Variants in GHR observed in about 807,000 individuals in gnomAD.
The protein encoded by GHR is growth hormone receptor.
Under a neutral mutation model 67.1 loss-of-function variants are expected in GHR, and 35 were observed. That is an observed-to-expected ratio of 0.52 (90% CI 0.40 to 0.69). The LOEUF (loss-of-function observed/expected upper bound fraction) is 0.69, where lower values mean the gene tolerates loss of function less well. GHR is among the 30% of genes least tolerant of loss of function. The pLI is 0.00. For missense variants in GHR, 792 were observed against 764.6 expected (o/e 1.04, Z -0.42); for synonymous variants, 272 against 269.1 (o/e 1.01, Z -0.10).
At chr5:42,679,594 C>T (rs1196351719) in intron 3 of GHR, among the ~76,000 whole-genome samples, 1 of 151,576 alleles carries the variant, frequency 6.6e-6, no homozygotes, top group African/African-American at 2.4e-5. Context: ...CACTGCATTC[C>T]AGCCTGGCGA....
intron 3 of GHR, among the ~76,000 whole-genome samples, chr5:42,653,138 T>A (rs1755090209): frequency 6.6e-6 from 1 of 152,150 alleles, no homozygotes; most frequent in African/African-American, 2.4e-5. Context: ...TGGCTCTTGT[T>A]ATCATCATAA....
At chr5:42,432,478 G>A (rs765832512) in intron 1 of GHR, among the ~76,000 whole-genome samples, 22 of 152,114 alleles carry the variant, frequency 1.4e-4, no homozygotes, top group African/African-American at 4.3e-4. Flanking sequence ...TTTGTTCTTC[G>A]TCACTATGTG....
At chr5:42,669,758 A>G (rs933834492) in intron 3 of GHR, among the ~76,000 whole-genome samples, 1 of 152,236 alleles carries the variant, frequency 6.6e-6, no homozygotes, top group African/African-American at 2.4e-5. Context: ...AAAGAAATTT[A>G]GAAAACAATC....
intron 2 of GHR, among the ~76,000 whole-genome samples, chr5:42,571,167 C>T (rs1750286513): frequency 6.6e-6 from 1 of 152,182 alleles, no homozygotes; most frequent in African/African-American, 2.4e-5. Flanking sequence ...ACTAAAGTGG[C>T]ACTTGCACAG....
chr5:42,434,531 C>T (rs1413784514), intron 1 of GHR, among the ~76,000 whole-genome samples: 4 of 152,154 alleles, frequency 2.6e-5, no homozygotes, highest in African/African-American at 7.2e-5. Context: ...AGTGACAAAA[C>T]TTTCTTCTAG....
At chr5:42,608,906 T>C (rs1752756351) in intron 2 of GHR, among the ~76,000 whole-genome samples, 1 of 152,176 alleles carries the variant, frequency 6.6e-6, no homozygotes, top group Non-Finnish European at 1.5e-5. Flanking sequence ...CATTGTACTC[T>C]ATTTTTTCTG....
intron 1 of GHR, among the ~76,000 whole-genome samples, chr5:42,521,513 A>G (rs1747473372): frequency 6.6e-6 from 1 of 152,166 alleles, no homozygotes; most frequent in South Asian, 2.1e-4. Context: ...TTAGTTTCGG[A>G]TTTGTAAAGC....
intron 1 of GHR, among the ~76,000 whole-genome samples, chr5:42,436,554 G>A (rs1374160192): frequency 6.6e-6 from 1 of 152,068 alleles, no homozygotes; most frequent in Non-Finnish European, 1.5e-5. Flanking sequence ...ATGCTCTTCA[G>A]AAAGTCCCAT....
chr5:42,599,286 AT>A (rs1475604302), intron 2 of GHR, among the ~76,000 whole-genome samples: 1 of 151,890 alleles, frequency 6.6e-6, no homozygotes, highest in African/African-American at 2.4e-5. Flanking sequence ...GAGAGATCTT[AT>A]CACAGAAGTC....
intron 1 of GHR, among the ~76,000 whole-genome samples, chr5:42,563,843 G>A (rs1014624930): frequency 6.6e-6 from 1 of 152,018 alleles, no homozygotes; most frequent in South Asian, 2.1e-4. Flanking sequence ...TAAATATTTA[G>A]TTACCAACAG....
At chr5:42,599,646 T>C (rs1177953407) in intron 2 of GHR, among the ~76,000 whole-genome samples, 1 of 152,118 alleles carries the variant, frequency 6.6e-6, no homozygotes, top group East Asian at 1.9e-4. Context: ...ATTACAGGCG[T>C]GAGCCACCAC....
At chr5:42,486,266 T>C (rs970328819) in intron 1 of GHR, among the ~76,000 whole-genome samples, 2 of 152,230 alleles carry the variant, frequency 1.3e-5, no homozygotes. Context: ...ATTCTCAGGC[T>C]GAACCCTCTC....
intron 1 of GHR, among the ~76,000 whole-genome samples, chr5:42,539,808 A>G (rs1312721781): frequency 6.6e-6 from 1 of 152,214 alleles, no homozygotes; most frequent in Non-Finnish European, 1.5e-5. Flanking sequence ...CTCTCCCAAC[A>G]AGATAAAATA....
chr5:42,672,209 C>T (rs1271094232), intron 3 of GHR, among the ~76,000 whole-genome samples: 1 of 152,104 alleles, frequency 6.6e-6, no homozygotes, highest in Non-Finnish European at 1.5e-5. Context: ...AACTACCTCT[C>T]TTTACTGACT....
intron 1 of GHR, chr5:42,548,401 C>T (rs2112404911): frequency 1.0e-6 from 1 of 985,078 alleles, no homozygotes; most frequent in African/African-American, 1.7e-5. Context: ...TTAACCAAAT[C>T]AGTGTGATGT....
rs377241525 is a variant in GHR at position 42,707,798 on chromosome 5, C to T, written c.619-3409C>T. 2.5e-4 allele frequency among the ~76,000 whole-genome samples: 38 copies of T among 152,122 alleles called. No homozygotes were observed. The East Asian group carries it at 6.4e-3, about 26-fold the overall frequency. On this transcript the variant is annotated intron_variant, in intron 6 of 9. Coordinates refer to ENST00000230882, the MANE Select transcript of GHR (RefSeq NM_000163.5). ...TTTTACTCCACATACTCCACACACA[C>T]ACACGTTTTAAATTTTCGATGTCAC...
At chr5:42,694,565 C>A (rs1382271856) in intron 4 of GHR, among the ~76,000 whole-genome samples, 1 of 152,150 alleles carries the variant, frequency 6.6e-6, no homozygotes, top group Non-Finnish European at 1.5e-5. Context: ...ATTCTCTGTA[C>A]TGTTTTAATG....
At chr5:42,541,313 A>G (rs926195628) in intron 1 of GHR, among the ~76,000 whole-genome samples, 2 of 152,194 alleles carry the variant, frequency 1.3e-5, no homozygotes, top group African/African-American at 4.8e-5. Flanking sequence ...GTGACATTTG[A>G]ATGCATACTT....
chr5:42,668,823 G>T (rs1333228844), intron 3 of GHR, among the ~76,000 whole-genome samples: 4 of 152,006 alleles, frequency 2.6e-5, no homozygotes, highest in Non-Finnish European at 5.9e-5. Context: ...TAAGCCTGTT[G>T]TAAATTTAAA....
Sources: gnomAD v4.1 joint callset for allele counts (sites outside exome capture counted in the v4.1 genomes callset) on GRCh38, gnomAD v4.1.1 for gene constraint, MANE v1.5 for transcripts, NCBI Gene and HGNC (gene_info 2026-07-23, HGNC 2026-07-21) for gene names.